ZNF843: variants seen among roughly 807,000 people sequenced by gnomAD.
The protein encoded by ZNF843 is zinc finger protein 843.
For synonymous variants in ZNF843, 185 were observed against 207.7 expected (o/e 0.89, Z 0.94); for missense variants, 482 against 469.4 (o/e 1.03, Z -0.25).
At chr16:31,439,636 C>T (rs1413831507) in intron 1 of ZNF843, among the ~76,000 whole-genome samples, 1 of 152,198 alleles carries the variant, frequency 6.6e-6, no homozygotes, top group African/African-American at 2.4e-5. Context: ...CAAGAGAATA[C>T]ATACTATATG....
intron 1 of ZNF843, 113 bp from the exon 2 acceptor site, chr16:31,437,297 C>CT (rs59710664): frequency 0.15 from 12,124 of 81,938 alleles, 1,014 homozygotes; most frequent in Non-Finnish European, 0.18. Context: ...TTCTTTCCTT[C>CT]TTTTTTTTTT....
At chr16:31,440,401 G>A (rs1188491571) in intron 1 of ZNF843, among the ~76,000 whole-genome samples, 1 of 152,224 alleles carries the variant, frequency 6.6e-6, no homozygotes, top group Non-Finnish European at 1.5e-5. Context: ...GCAAGAGGAA[G>A]CCATTCCAAG....
At chr16:31,438,584 G>T (rs1409301967) in intron 1 of ZNF843, among the ~76,000 whole-genome samples, 1 of 150,768 alleles carries the variant, frequency 6.6e-6, no homozygotes. Flanking sequence ...CTCTCTCCCC[G>T]TTTGTGCTTC....
Position 31,436,220 on chromosome 16 carries a change from G to A in ZNF843, c.630C>T (p.Pro210=). ...GSPGSFLQHL[P]PSTLLPRPPF... ...GAGGTCGGGGCAGGAGTGTGGATGGGGGCAGATGTTGAAGGAAGGACCCGG... is the reference window on the plus strand; with the variant it reads ...GAGGTCGGGGCAGGAGTGTGGATGGAGGCAGATGTTGAAGGAAGGACCCGG... Residue 210 remains proline (P), a synonymous_variant, in exon 2 of 2, where the codon CCC becomes CCT. Coordinates refer to ENST00000315678, the MANE Select transcript of ZNF843 (RefSeq NM_001136509.3). The A allele has an allele frequency of 1.9e-6, 3 of 1,539,298 alleles. No homozygotes were observed. Among genetic ancestry groups the A allele is most frequent in the Non-Finnish European group, 2.6e-6 (3 of 1,140,584 alleles).
intron 1 of ZNF843, 77 bp from the exon 2 acceptor site, chr16:31,437,261 A>G (rs1367684760): frequency 5.6e-5 from 9 of 161,240 alleles, no homozygotes; most frequent in Non-Finnish European, 9.4e-5. Flanking sequence ...CCTGTAATCA[A>G]TGCTTCTTTA....
chr16:31,436,058 C>T lies in ZNF843; in HGVS notation c.792G>A (p.Glu264=), dbSNP rs753454619. The T allele has an allele frequency of 7.8e-6, 12 of 1,546,410 alleles. No homozygotes were observed. The highest frequency in any genetic ancestry group is 2.4e-5 in the East Asian group (1 of 40,924). The change falls in exon 2 of 2, where the codon GAG becomes GAA. Residue 264 remains glutamate (E), a synonymous_variant. Coordinates refer to ENST00000315678, the MANE Select transcript of ZNF843 (RefSeq NM_001136509.3). ...PPATQPAAQQ[E]GAMGPRSCAS... ...CACAGCTTCTGGGCCCCATCGCCCC[C>T]TCCTGCTGAGCTGCCGGCTGGGTGG...
chr16:31,439,339 T>G (rs887532126), intron 1 of ZNF843, among the ~76,000 whole-genome samples: 15 of 152,218 alleles, frequency 9.9e-5, no homozygotes, highest in Admixed American at 6.5e-4. Context: ...CCAGTTTTGG[T>G]TAACAGTAAA....
chr16:31,441,119 G>A (rs2082199793), intron 1 of ZNF843, among the ~76,000 whole-genome samples: 2 of 152,172 alleles, frequency 1.3e-5, no homozygotes, highest in African/African-American at 4.8e-5. Flanking sequence ...GTTACTGTAG[G>A]GCAGTGCTTA....
intron 1 of ZNF843, among the ~76,000 whole-genome samples, chr16:31,438,605 G>A (rs897583427): frequency 1.1e-4 from 16 of 151,984 alleles, no homozygotes; most frequent in African/African-American, 3.1e-4. Flanking sequence ...ACCTCTCAGC[G>A]GATACTTGGC....
intron 1 of ZNF843, among the ~76,000 whole-genome samples, chr16:31,437,859 C>T (rs1486384546): frequency 1.3e-5 from 2 of 152,022 alleles, no homozygotes; most frequent in African/African-American, 4.8e-5. Flanking sequence ...AACTCCTGAC[C>T]TCATGATCCA....
Position 31,435,518 on chromosome 16 carries a change from G to C in ZNF843, c.*285C>G, listed in dbSNP as rs778411236. ...TGCCCAGGCTAGTCTCAAATTCTTCGGGCTCACGCGATCCTCCCACCTCGG... is the reference window on the plus strand; with the variant it reads ...TGCCCAGGCTAGTCTCAAATTCTTCCGGCTCACGCGATCCTCCCACCTCGG... On this transcript the variant is annotated 3_prime_UTR_variant, in exon 2 of 2. Transcript: ENST00000315678. 7.0e-6 allele frequency: 2 copies of C among 285,620 alleles called. No homozygotes were observed. The highest frequency in any genetic ancestry group is 1.3e-5 in the Non-Finnish European group (2 of 154,274). 17.7% of individuals were successfully genotyped at this position (285,620 alleles called of 1,614,324 possible).
At position 31,435,595 on chromosome 16, in the gene ZNF843, T is replaced by A. The variant is rs1217274099; in HGVS notation, c.*208A>T. The A allele has an allele frequency of 2.2e-6, 1 of 457,028 alleles. No individual in the cohort carries two copies. Among genetic ancestry groups the A allele is most frequent in the Non-Finnish European group, 3.7e-6 (1 of 270,586 alleles). The allele number at this position is 457,028 out of a possible 1,614,324, so 28.3% of individuals were successfully genotyped here. A position where few individuals can be genotyped will look rare whatever the true frequency, so the allele number is the denominator to read the frequency against. ...GTGAGTCACCGCCCGCAGCCGCACC[T>A]GCCTAAATCCCTTAATGTATAAGGG... On this transcript the variant is annotated 3_prime_UTR_variant, in exon 2 of 2. Coordinates refer to ENST00000315678, the MANE Select transcript of ZNF843 (RefSeq NM_001136509.3).
chr16:31,437,622 T>G (rs2082188158), intron 1 of ZNF843, among the ~76,000 whole-genome samples: 2 of 146,418 alleles, frequency 1.4e-5, no homozygotes, highest in Admixed American at 1.4e-4. Context: ...AATCAATGTT[T>G]TTTTTTTTTT....
intron 1 of ZNF843, among the ~76,000 whole-genome samples, chr16:31,439,188 G>A (rs552085733): frequency 6.6e-6 from 1 of 152,272 alleles, no homozygotes; most frequent in East Asian, 1.9e-4. Context: ...TCAGTCACCC[G>A]AGAAATGCAA....
rs1256007919 is a variant in ZNF843, at chr16:31,436,951, G to A, written c.-102C>T. ...CTCTGCCGCACTCAGGCTTCCCGTG[G>A]CCACGAGCTCACAGTCTGGGAGCAG... On this transcript the variant is annotated 5_prime_UTR_variant, in exon 2 of 2. Transcript: ENST00000315678. The A allele has an allele frequency of 8.5e-7, 1 of 1,171,930 alleles. No individual in the cohort carries two copies. Among genetic ancestry groups the A allele is most frequent in the Non-Finnish European group, 1.2e-6 (1 of 846,126 alleles). The allele number at this position is 1,171,930 out of a possible 1,614,324, so 72.6% of individuals were successfully genotyped here.
At chr16:31,439,873 A>G (rs2082195494) in intron 1 of ZNF843, among the ~76,000 whole-genome samples, 1 of 152,226 alleles carries the variant, frequency 6.6e-6, no homozygotes, top group African/African-American at 2.4e-5. Context: ...TGTGTTTTAT[A>G]TATAACTTAT....
Position 31,435,810 on chromosome 16 carries a change from C to A in ZNF843, c.1040G>T (p.Arg347Leu). 6.9e-7 allele frequency: 1 copy of A among 1,452,246 alleles called. No individual in the cohort carries two copies. The highest frequency in any genetic ancestry group is 1.5e-5 in the South Asian group (1 of 68,794). The allele number at this position is 1,452,246 out of a possible 1,614,324, so 90.0% of individuals were successfully genotyped here. The change falls in exon 2 of 2, where the codon CGA (arginine) becomes CTA (leucine). Residue 347 changes from arginine (R) to leucine (L), a missense_variant. Transcript: ENST00000315678. ...KASSRRSNLA[R>L]H ...CTGCAGCACGCTGGTTCTTCAGTGT[C>A]GGGCCAGGTTGGACCTCCGGCTGGA...
rs1597179868 is a variant in ZNF843, at chr16:31,436,290, GA to G, written c.559del (p.Ser187GlnfsTer228). 3 of 1,549,510 alleles carry G rather than the reference GA, an allele frequency of 1.9e-6. No individual in the cohort carries two copies. The highest frequency in any genetic ancestry group is 1.7e-4 in the Middle Eastern group (1 of 5,902). ...CCCAGAGGTGCTGTCCGGGGCGACT[GA>G]GCTGGGTGCGAGGCTGACGCTCTCC... is the stretch of plus-strand genomic sequence containing the variant. ...SVESVSLAPS[S>X]VAPDSTSGLR... On this transcript the variant is annotated frameshift_variant, in exon 2 of 2. Transcript: ENST00000315678. LOFTEE classifies it low-confidence loss of function (END_TRUNC).
At chr16:31,437,294 C>CTTATTTTTTTTTTTTTTTTT in intron 1 of ZNF843, 110 bp from the exon 2 acceptor site, 1 of 132,136 alleles carries the variant, frequency 7.6e-6, no homozygotes, top group South Asian at 2.3e-4. Flanking sequence ...TTTTTCTTTC[C>CTTATTTTTTTTTTTTTTTTT]TTCTTTTTTT....
Sources: gnomAD v4.1 joint callset for allele counts (sites outside exome capture counted in the v4.1 genomes callset) on GRCh38, gnomAD v4.1.1 for gene constraint, MANE v1.5 for transcripts, NCBI Gene and HGNC (gene_info 2026-07-23, HGNC 2026-07-21) for gene names.